The following FYTTD1 variants were observed in gnomAD, a reference collection of about 807,000 sequenced individuals.
FYTTD1 encodes forty-two-three domain containing 1.
A neutral mutation model predicts 40.9 loss-of-function variants in FYTTD1; 22 were observed. That is an observed-to-expected ratio of 0.54 (90% CI 0.38 to 0.77). The LOEUF is 0.77. Among genes scored for constraint, FYTTD1 ranks in the 30% least tolerant of loss-of-function variants. FYTTD1 has a pLI of 0.00. For missense variants in FYTTD1, 351 were observed against 392.2 expected, an observed-to-expected ratio of 0.90 and a Z score of 0.89; for synonymous variants, 140 against 137.9, an observed-to-expected ratio of 1.01 and a Z score of -0.10.
chr3:197,776,529 G>GT lies in FYTTD1; in HGVS notation c.657-388dup, dbSNP rs112717412. Among the ~76,000 whole-genome samples, 616 of 146,440 alleles carry GT rather than the reference G, an allele frequency of 4.2e-3. 2 individuals are homozygous for GT. The highest frequency in any genetic ancestry group is 6.8e-3 in the Middle Eastern group (2 of 292). On this transcript the variant is annotated intron_variant, in intron 6 of 8. Transcript: ENST00000241502. ...TGAGCCAGTGCCCGGCTGCAGCAAG[G>GT]TTTTTTTTTTACTATGTAAGCATCT...
Position 197,750,676 on chromosome 3 carries a change from C to T in FYTTD1, c.103+602C>T, listed in dbSNP as rs115802401. The stretch of plus-strand genomic sequence containing the variant: ...GGAGCGTCTGTCAGAAAGGAAGCAG[C>T]GCTCGGCCGCCTGTGGGATGTGGTT... On this transcript the variant is annotated intron_variant, in intron 1 of 8. Coordinates refer to ENST00000241502, the MANE Select transcript of FYTTD1 (RefSeq NM_032288.7). The T allele has an allele frequency of 9.1e-3, 8,984 of 985,478 alleles. 75 individuals are homozygous for T. The highest frequency in any genetic ancestry group is 0.035 in the African/African-American group (2,016 of 57,368). The allele number at this position is 985,478 out of a possible 1,614,324, so 61.0% of individuals were successfully genotyped here. A position where few individuals can be genotyped will look rare whatever the true frequency, so the allele number is the denominator to read the frequency against.
In FYTTD1 at chr3:197,775,133, G is replaced by A. The variant is rs191857261; in HGVS notation, c.656+923G>A. 3.0e-4 allele frequency among the ~76,000 whole-genome samples: 46 copies of A among 152,092 alleles called. 1 individual carries two copies. The highest frequency in any genetic ancestry group is 6.0e-4 in the Non-Finnish European group (41 of 68,020). ...TTTCATACAAATGAACCTATTTAGGGAATGAATAGAATAAAATTCAGTGGA... is the reference window on the plus strand; with the variant it reads ...TTTCATACAAATGAACCTATTTAGGAAATGAATAGAATAAAATTCAGTGGA... On this transcript the variant is annotated intron_variant, in intron 6 of 8. Transcript: ENST00000241502.
chr3:197,775,933 T>C (rs958720504), intron 6 of FYTTD1, among the ~76,000 whole-genome samples: 1 of 152,178 alleles, frequency 6.6e-6, no homozygotes, highest in African/African-American at 2.4e-5. Flanking sequence ...AATGTAAATG[T>C]CCGATTTTGA....
At chr3:197,780,894 A>C (rs1730011890) in intron 8 of FYTTD1, among the ~76,000 whole-genome samples, 1 of 151,728 alleles carries the variant, frequency 6.6e-6, no homozygotes, top group Non-Finnish European at 1.5e-5. Flanking sequence ...TGTCAGATTG[A>C]GGAAGCTCCC....
chr3:197,752,271 C>T (rs1162571579), intron 1 of FYTTD1, among the ~76,000 whole-genome samples: 1 of 152,232 alleles, frequency 6.6e-6, no homozygotes, highest in Non-Finnish European at 1.5e-5. Flanking sequence ...CTTTCAGGTC[C>T]TGCCTCTGCC....
intron 1 of FYTTD1, 29 bp from the exon 2 acceptor site, chr3:197,756,397 G>T: frequency 1.3e-6 from 2 of 1,535,240 alleles, no homozygotes; most frequent in South Asian, 1.1e-5. Context: ...AAGTTAAAAT[G>T]AAAATAATTG....
At chr3:197,750,535 G>A in intron 1 of FYTTD1, 1 of 985,774 alleles carries the variant, frequency 1.0e-6, no homozygotes, top group Non-Finnish European at 1.2e-6. Context: ...CCCGGCCGGG[G>A]CTGCGGTCGG....
intron 2 of FYTTD1, among the ~76,000 whole-genome samples, chr3:197,759,462 T>TTCAGTGGTAGAATGTGTGGAGTTGTTCC (rs1222002845): frequency 4.6e-5 from 7 of 151,288 alleles, no homozygotes; most frequent in African/African-American, 1.7e-4. Context: ...TAGAGTGTTC[T>TTCAGTGGTAGAATGTGTGGAGTTGTTCC]TCAGTGGTAG....
intron 2 of FYTTD1, 148 bp downstream of exon 2, chr3:197,756,705 A>C (rs1407305179): frequency 5.5e-6 from 4 of 728,572 alleles, no homozygotes; most frequent in African/African-American, 3.6e-5. Flanking sequence ...TTAGATCTAA[A>C]ACCTGGTAAA....
At position 197,750,016 on chromosome 3, in the gene FYTTD1, T is replaced by G; in HGVS notation, c.45T>G (p.Ser15=). The G allele has an allele frequency of 6.3e-7, 1 of 1,585,266 alleles. No homozygotes were observed. The highest frequency in any genetic ancestry group is 8.6e-7 in the Non-Finnish European group (1 of 1,167,444). ...GTRLVGATAT[S]SPPPKARSNE... ...GGTTGGTGGGAGCCACGGCGACTTC[T>G]TCGCCGCCGCCGAAGGCCCGCAGCA... is the stretch of plus-strand genomic sequence containing the variant. The change falls in exon 1 of 9, where the codon TCT becomes TCG. Residue 15 remains serine, a synonymous_variant. Coordinates refer to ENST00000241502, the MANE Select transcript of FYTTD1 (RefSeq NM_032288.7).
At chr3:197,765,734 C>T (rs1223351361) in intron 2 of FYTTD1, among the ~76,000 whole-genome samples, 1 of 151,938 alleles carries the variant, frequency 6.6e-6, no homozygotes, top group African/African-American at 2.4e-5. Context: ...CAGTGGCTCA[C>T]ACCTGTAATC....
Position 197,786,894 on chromosome 3 carries a change from G to C in FYTTD1, c.*4985G>C, listed in dbSNP as rs572539345. The C allele has an allele frequency of 6.6e-6, 1 of 151,182 alleles. No homozygotes were observed. Among genetic ancestry groups the C allele is most frequent in the South Asian group, 2.1e-4 (1 of 4,788 alleles). 9.4% of individuals were successfully genotyped at this position (151,182 alleles called of 1,614,324 possible). A position where few individuals can be genotyped will look rare whatever the true frequency, so the allele number is the denominator to read the frequency against. ...CTCTGCCTCCCAGGATCCTTTCCGG[G>C]TTCAAGCAATTCTTGTCCCTCAGCC... On this transcript the variant is annotated 3_prime_UTR_variant, in exon 9 of 9. Transcript: ENST00000241502.
At chr3:197,776,246 C>T (rs867444159) in intron 6 of FYTTD1, among the ~76,000 whole-genome samples, 79 of 148,762 alleles carry the variant, frequency 5.3e-4, no homozygotes, top group African/African-American at 1.6e-3. Flanking sequence ...CGCTCTGTTG[C>T]CCAGGCTGGA....
chr3:197,761,303 T>C (rs34878328), intron 2 of FYTTD1, among the ~76,000 whole-genome samples: 3 of 151,902 alleles, frequency 2.0e-5, no homozygotes, highest in Non-Finnish European at 4.4e-5. Flanking sequence ...AGTGGTGGAA[T>C]GTATAGAGTT....
chr3:197,774,068 AG>A, intron 5 of FYTTD1, 80 bp from the exon 6 acceptor site: 1 of 1,154,580 alleles, frequency 8.7e-7, no homozygotes, highest in Non-Finnish European at 1.3e-6. Flanking sequence ...CCACTGGGTT[AG>A]GAAGTTCCAG....
intron 2 of FYTTD1, among the ~76,000 whole-genome samples, chr3:197,765,583 C>A (rs1729520054): frequency 6.6e-6 from 1 of 152,078 alleles, no homozygotes; most frequent in South Asian, 2.1e-4. Flanking sequence ...GACTTTAAGC[C>A]AGCCGTGGTG....
rs1049765714 is a variant in FYTTD1, at chr3:197,754,001, A to G, written c.104-2425A>G. Among the ~76,000 whole-genome samples the G allele has an allele frequency of 6.6e-5, 10 of 152,150 alleles. No homozygotes were observed. In the East Asian group the frequency reaches 1.9e-3, roughly 29 times the overall value. ...ATGATCCGCCCACTTCGGCCTCCCA[A>G]AGTGCTGGGATTACAGGCGTGAGCT... On this transcript the variant is annotated intron_variant, in intron 1 of 8. Coordinates refer to ENST00000241502, the MANE Select transcript of FYTTD1 (RefSeq NM_032288.7).
chr3:197,752,692 C>T (rs79361003), intron 1 of FYTTD1, among the ~76,000 whole-genome samples: 3,598 of 151,820 alleles, frequency 0.024, 82 homozygotes, highest in East Asian at 0.054. Context: ...TTTATACATA[C>T]ACTACATATA....
rs1022638880 is a variant in FYTTD1, at chr3:197,777,632, T to G, written c.731+631T>G. On this transcript the variant is annotated intron_variant, in intron 7 of 8. Coordinates refer to ENST00000241502, the MANE Select transcript of FYTTD1 (RefSeq NM_032288.7). ...GTAATGTTTTCGATGTCTTTATTTTTCAGACCATACAGACCTACGTTCTCT... is the reference window on the plus strand; with the variant it reads ...GTAATGTTTTCGATGTCTTTATTTTGCAGACCATACAGACCTACGTTCTCT... 3.3e-5 allele frequency among the ~76,000 whole-genome samples: 5 copies of G among 152,366 alleles called. No individual in the cohort carries two copies. The South Asian group carries it at 6.2e-4, about 19-fold the overall frequency.
Sources: allele counts gnomAD v4.1 joint callset (sites outside exome capture counted in the v4.1 genomes callset), GRCh38; gene constraint gnomAD v4.1.1; transcripts MANE v1.5; gene names NCBI Gene and HGNC (gene_info 2026-07-23, HGNC 2026-07-21).